CEP295: variants seen among roughly 807,000 people sequenced by gnomAD.
CEP295 encodes centrosomal protein 295.
Under a neutral mutation model 291.6 loss-of-function variants are expected in CEP295, and 190 were observed. The observed-to-expected ratio is 0.65, with a 90% CI of 0.58 to 0.73. The LOEUF (loss-of-function observed/expected upper bound fraction) is 0.73. Ranked by LOEUF, CEP295 falls within the 30% of genes least tolerant of loss-of-function variation. The probability of loss-of-function intolerance (pLI) is 0.00; values close to 1 mark genes in which losing one functional copy is unlikely to be tolerated. For missense variants in CEP295, 2,863 were observed against 2,949.4 expected (o/e 0.97, Z 0.68); for synonymous variants, 993 against 1,038.8 (o/e 0.96, Z 0.85).
rs374987584 is a variant in CEP295 at position 93,683,642 on chromosome 11, A to G, written c.849A>G (p.Pro283=). The change falls in exon 8 of 30, where the codon CCA becomes CCG. Residue 283 remains proline, a synonymous_variant. Coordinates refer to ENST00000325212, the MANE Select transcript of CEP295 (RefSeq NM_033395.2). ...GGAGACAGACTGTAGCACAAATGCC[A>G]CCACAACTAGTTGAACTTCCATACA... ...ARRRQTVAQM[P]PQLVELPYKR... 5.2e-6 allele frequency: 8 copies of G among 1,550,124 alleles called. No individual in the cohort carries two copies. The highest frequency in any genetic ancestry group is 7.0e-6 in the Non-Finnish European group (8 of 1,146,630).
chr11:93,677,840 A>G (rs1257600279), intron 6 of CEP295, among the ~76,000 whole-genome samples: 4 of 152,172 alleles, frequency 2.6e-5, no homozygotes, highest in Non-Finnish European at 2.9e-5. Context: ...AGCATTTATC[A>G]TTCATATATC....
rs754280303 is a variant in CEP295 at position 93,721,986 on chromosome 11, A to G, written c.5883A>G (p.Ser1961=). The change falls in exon 20 of 30, where the codon TCA becomes TCG. Residue 1961 remains serine, a synonymous_variant. Transcript: ENST00000325212. ...CACTGTCTTATGAACCATTATCTTC[A>G]GCAACTGTTTCCACTGGGAGCCTTT... ...AKTLSYEPLS[S]ATVSTGSLLS... The G allele has an allele frequency of 4.9e-5, 78 of 1,596,250 alleles. No individual in the cohort carries two copies. The highest frequency in any genetic ancestry group is 6.2e-5 in the Non-Finnish European group (72 of 1,169,534).
At chr11:93,717,199 G>A (rs1953331805) in intron 18 of CEP295, among the ~76,000 whole-genome samples, 1 of 152,086 alleles carries the variant, frequency 6.6e-6, no homozygotes, top group Non-Finnish European at 1.5e-5. Flanking sequence ...AGTTCCTGTG[G>A]TGAGGACAGT....
intron 5 of CEP295, among the ~76,000 whole-genome samples, chr11:93,671,699 A>G (rs2134829456): frequency 6.6e-6 from 1 of 152,310 alleles, no homozygotes; most frequent in African/African-American, 2.4e-5. Flanking sequence ...TTGTGAATTT[A>G]TGGCATAGAA....
chr11:93,729,172 GAAT>G (rs1937937716), intron 25 of CEP295: 2 of 537,698 alleles, frequency 3.7e-6, no homozygotes, highest in African/African-American at 3.8e-5. Context: ...GAGGCAATAA[GAAT>G]AAAGCTATCT....
intron 14 of CEP295, 102 bp downstream of exon 14, chr11:93,696,519 A>T (rs948943022): frequency 1.9e-6 from 2 of 1,069,788 alleles, no homozygotes; most frequent in Non-Finnish European, 1.3e-6. Flanking sequence ...CCTTAGAATT[A>T]TGGCATTTAG....
At chr11:93,671,713 A>G (rs1950457375) in intron 5 of CEP295, among the ~76,000 whole-genome samples, 1 of 152,090 alleles carries the variant, frequency 6.6e-6, no homozygotes, top group Non-Finnish European at 1.5e-5. Context: ...CATAGAAGGG[A>G]GGGATAGGAT....
chr11:93,696,536 C>CATA, intron 14 of CEP295, 119 bp downstream of exon 14: 1 of 1,016,202 alleles, frequency 9.8e-7, no homozygotes, highest in Non-Finnish European at 1.4e-6. Flanking sequence ...TTAGAACTGC[C>CATA]ATTCTTAAAG....
chr11:93,683,089 G>T (rs1565444485), intron 7 of CEP295, among the ~76,000 whole-genome samples: 1 of 152,106 alleles, frequency 6.6e-6, no homozygotes, highest in East Asian at 1.9e-4. Flanking sequence ...AGAGTGTGAG[G>T]TAACAAGAAA....
chr11:93,727,564 T>G lies in CEP295; in HGVS notation c.7088T>G (p.Leu2363Arg). The G allele has an allele frequency of 6.4e-7, 1 of 1,551,476 alleles. No individual in the cohort carries two copies. Among genetic ancestry groups the G allele is most frequent in the Non-Finnish European group, 8.7e-7 (1 of 1,146,900 alleles). The change falls in exon 24 of 30, where the codon CTA becomes CGA. Residue 2363 changes from leucine to arginine, a missense_variant. Leu to Arg is a moderately radical substitution (Grantham distance 102). Around this residue, in one of 3 missense-constraint regions of CEP295, gnomAD observed 2,295 missense variants for 2,335.7 expected, o/e 0.98. Coordinates refer to ENST00000325212, the MANE Select transcript of CEP295 (RefSeq NM_033395.2). ...ETDIPKITKKLSQLGESELFA... is the reference protein window; with the variant it reads ...ETDIPKITKKRSQLGESELFA... ...GACATTCCAAAAATCACCAAAAAAC[T>G]ATCTCAACTAGGAGAATCAGAGCTT... is the stretch of plus-strand genomic sequence containing the variant.
intron 1 of CEP295, among the ~76,000 whole-genome samples, chr11:93,664,002 T>A (rs1950103429): frequency 6.6e-6 from 1 of 152,150 alleles, no homozygotes; most frequent in Admixed American, 6.5e-5. Context: ...GTAAGGTAAC[T>A]TTATTTTTAC....
At position 93,706,753 on chromosome 11, in the gene CEP295, G is replaced by T; in HGVS notation, c.5605G>T (p.Gly1869Cys). 1 of 1,532,946 alleles carries T rather than the reference G, an allele frequency of 6.5e-7. No individual in the cohort carries two copies. The highest frequency in any genetic ancestry group is 8.8e-7 in the Non-Finnish European group (1 of 1,139,918). 95.0% of individuals were successfully genotyped at this position (1,532,946 alleles called of 1,614,324 possible). The change falls in exon 18 of 30, where the codon GGT becomes TGT. Residue 1869 changes from glycine to cysteine, a missense_variant. Physicochemically the swap from Gly to Cys is radical, Grantham distance 159. Transcript: ENST00000325212. ...IGRTSILGKP[G>C]IYEDRDPLRV... ...TATTTTTTCCCCCCCAGGTAAACCA[G>T]GTATTTATGAAGACAGAGACCCCCT...
Position 93,677,533 on chromosome 11 carries a change from C to G in CEP295, c.624+1867C>G, listed in dbSNP as rs190472058. Among the ~76,000 whole-genome samples, 11 of 152,284 alleles carry G rather than the reference C, an allele frequency of 7.2e-5. No homozygotes were observed. The East Asian group carries it at 7.7e-4, about 11-fold the overall frequency. ...TTTTGTTTTGCTACATTCGCTACCT[C>G]TACACACAACTGAACAAAACATCAT... On this transcript the variant is annotated intron_variant, in intron 6 of 29. Transcript: ENST00000325212.
At chr11:93,716,064 T>C (rs563732177) in intron 18 of CEP295, among the ~76,000 whole-genome samples, 1 of 152,256 alleles carries the variant, frequency 6.6e-6, no homozygotes, top group South Asian at 2.1e-4. Context: ...ACTTGCCTAG[T>C]GCTGCAGTTG....
At chr11:93,719,392 G>A (rs746567478) in intron 18 of CEP295, among the ~76,000 whole-genome samples, 3 of 151,692 alleles carry the variant, frequency 2.0e-5, no homozygotes, top group African/African-American at 2.4e-5. Flanking sequence ...CTCAGCCTCC[G>A]AGGTAGCTAG....
In CEP295 at chr11:93,728,791, G is replaced by T. The variant is rs1937797733; in HGVS notation, c.7272G>T (p.Lys2424Asn). The change falls in exon 25 of 30, where the codon AAG becomes AAT. Residue 2424 changes from lysine to asparagine, a missense_variant. By Grantham distance (94) the Lys-to-Asn change is moderately conservative. Around this residue, in one of 3 missense-constraint regions of CEP295, gnomAD observed 2,295 missense variants for 2,335.7 expected, o/e 0.98. Coordinates refer to ENST00000325212, the MANE Select transcript of CEP295 (RefSeq NM_033395.2). ...TTGCAAATTTAACCCTAGAAGAGAA[G>T]AGCGAGAATGAAGCAAAATGCTTCT... The part of the protein sequence containing the change: ...MDFANLTLEE[K>N]SENEAKCFFQ... The T allele has an allele frequency of 1.9e-6, 3 of 1,547,918 alleles. No homozygotes were observed.
At chr11:93,700,457 G>A (rs1459379783) in intron 15 of CEP295, among the ~76,000 whole-genome samples, 4 of 140,458 alleles carry the variant, frequency 2.8e-5, no homozygotes, top group South Asian at 2.2e-4. Flanking sequence ...ACAAGGTCTC[G>A]CTCTGTTGTC....
At position 93,700,165 on chromosome 11, in the gene CEP295, G is replaced by A. The variant is rs1246491982; in HGVS notation, c.5253G>A (p.Lys1751=). 1.3e-6 allele frequency: 2 copies of A among 1,547,934 alleles called. No individual in the cohort carries two copies. Among genetic ancestry groups the A allele is most frequent in the South Asian group, 2.4e-5 (2 of 83,216 alleles). Residue 1751 remains lysine (K), a synonymous_variant, in exon 15 of 30, where the codon AAG becomes AAA. Coordinates refer to ENST00000325212, the MANE Select transcript of CEP295 (RefSeq NM_033395.2). ...TACAGAAACATGAAGAGACTTTGAA[G>A]GATTTCTTTAAAGACAGTCAGGTAT... ...QQIQKHEETL[K]DFFKDSQISK...
At chr11:93,723,411 G>A (rs187431617) in intron 21 of CEP295, 122 bp downstream of exon 21, 27 of 714,474 alleles carry the variant, frequency 3.8e-5, no homozygotes, top group East Asian at 8.4e-5. Context: ...CTACAACACC[G>A]TTTTACCACA....
Sources: allele counts gnomAD v4.1 joint callset (sites outside exome capture counted in the v4.1 genomes callset), GRCh38; gene constraint gnomAD v4.1.1; regional missense constraint gnomAD v4.1.1; transcripts MANE v1.5; gene names NCBI Gene and HGNC (gene_info 2026-07-23, HGNC 2026-07-21).